Variants in HMGXB4 observed in about 807,000 individuals in gnomAD.
The protein encoded by HMGXB4 is HMG-box containing 4.
HMGXB4 carries 27 observed loss-of-function variants against 63.9 expected under a neutral mutation model. The ratio of observed to expected loss-of-function variants is 0.42; its 90% CI spans 0.31 to 0.58. The LOEUF is 0.58. HMGXB4 is among the 20% of genes least tolerant of loss of function. The pLI is 0.13. For synonymous variants in HMGXB4, 264 were observed against 265.3 expected, an observed-to-expected ratio of 0.99 and a Z score of 0.05; for missense variants, 624 against 700.7, an observed-to-expected ratio of 0.89 and a Z score of 1.24.
chr22:35,270,672 G>C (rs1923551960), intron 5 of HMGXB4, among the ~76,000 whole-genome samples: 1 of 152,194 alleles, frequency 6.6e-6, no homozygotes, highest in Non-Finnish European at 1.5e-5. Flanking sequence ...TGGAAAAATA[G>C]TAAGCTCTTC....
chr22:35,265,729 T>A, intron 5 of HMGXB4, 126 bp downstream of exon 5: 1 of 1,272,804 alleles, frequency 7.9e-7, no homozygotes, highest in Non-Finnish European at 1.0e-6. Context: ...GGGGATATGT[T>A]GGAATGATAT....
At chr22:35,269,999 A>G (rs914054209) in intron 5 of HMGXB4, among the ~76,000 whole-genome samples, 14 of 152,188 alleles carry the variant, frequency 9.2e-5, no homozygotes, top group Non-Finnish European at 1.2e-4. Context: ...AGAAGAAAAA[A>G]AAAAGGCTTG....
At chr22:35,259,684 C>G (rs1193711045) in intron 1 of HMGXB4, among the ~76,000 whole-genome samples, 1 of 152,184 alleles carries the variant, frequency 6.6e-6, no homozygotes, top group Non-Finnish European at 1.5e-5. Context: ...CAGGGCCCAT[C>G]GGTCTGCCCA....
At chr22:35,252,187 C>A in the HMGXB4 span, among the ~76,000 whole-genome samples, 1 of 152,178 alleles carries the variant, frequency 6.6e-6, no homozygotes, top group African/African-American at 2.4e-5. Flanking sequence ...TGCACTCCAG[C>A]CTAGGCGGCC....
intron 5 of HMGXB4, among the ~76,000 whole-genome samples, chr22:35,270,651 C>A (rs1475664021): frequency 2.6e-5 from 4 of 152,148 alleles, no homozygotes; most frequent in Non-Finnish European, 5.9e-5. Context: ...AGCTTTGAAC[C>A]TAGATAACGT....
At chr22:35,271,756 C>T (rs1447111126) in intron 5 of HMGXB4, among the ~76,000 whole-genome samples, 1 of 152,196 alleles carries the variant, frequency 6.6e-6, no homozygotes, top group Non-Finnish European at 1.5e-5. Flanking sequence ...AACAACAATA[C>T]TTGACATCTC....
the HMGXB4 span, among the ~76,000 whole-genome samples, chr22:35,243,454 G>A: frequency 1.3e-5 from 2 of 152,126 alleles, no homozygotes; most frequent in Non-Finnish European, 2.9e-5. Flanking sequence ...CAGCTATCTG[G>A]GCATCCCTTA....
chr22:35,241,910 G>A, the HMGXB4 span, among the ~76,000 whole-genome samples: 3 of 152,176 alleles, frequency 2.0e-5, no homozygotes, highest in African/African-American at 7.2e-5. Context: ...TGCTCTGTCC[G>A]GAGCTGCAAC....
intron 5 of HMGXB4, among the ~76,000 whole-genome samples, chr22:35,270,444 C>T (rs770332403): frequency 9.2e-5 from 14 of 152,142 alleles, no homozygotes; most frequent in Non-Finnish European, 1.6e-4. Context: ...CAATGTAATA[C>T]TAATAGAAAT....
chr22:35,283,837 A>G, intron 5 of HMGXB4, 125 bp from the exon 6 acceptor site: 1 of 626,530 alleles, frequency 1.6e-6, no homozygotes, highest in African/African-American at 1.8e-5. Flanking sequence ...GCTGGTTAGT[A>G]GTTTGGAACT....
At chr22:35,292,899 G>C (rs1006338294) in intron 9 of HMGXB4, 93 bp from the exon 10 acceptor site, 6 of 1,455,490 alleles carry the variant, frequency 4.1e-6, no homozygotes, top group Non-Finnish European at 4.8e-6. Flanking sequence ...TATAAGAGTA[G>C]AACTGCCTAG....
At chr22:35,255,802 G>C (rs754239663), upstream of HMGXB4, among the ~76,000 whole-genome samples, 1 of 152,220 alleles carries the variant, frequency 6.6e-6, no homozygotes, top group Non-Finnish European at 1.5e-5. Context: ...TTAGGGCTCT[G>C]AAGAACAAAA....
At chr22:35,272,255 T>C (rs548546564) in intron 5 of HMGXB4, among the ~76,000 whole-genome samples, 6 of 150,936 alleles carry the variant, frequency 4.0e-5, no homozygotes, top group African/African-American at 1.5e-4. Context: ...GGCCAAGGAG[T>C]TCAAGTGCAG....
At chr22:35,251,654 G>C in the HMGXB4 span, among the ~76,000 whole-genome samples, 1 of 152,192 alleles carries the variant, frequency 6.6e-6, no homozygotes, top group Non-Finnish European at 1.5e-5. Context: ...GACTTGAAGA[G>C]GGGGCATTCA....
Position 35,280,991 on chromosome 22 carries a change from CA to C in HMGXB4, c.1216-2970del, listed in dbSNP as rs555881977. Among the ~76,000 whole-genome samples, 18 of 152,330 alleles carry C rather than the reference CA, an allele frequency of 1.2e-4. 1 individual carries two copies. In the South Asian group the frequency reaches 3.7e-3, roughly 32 times the overall value. ...ATTAGAATGACATATTTAACTGCCT[CA>C]TTTGTTAGATTCTGCATCTGATCCT... On this transcript the variant is annotated intron_variant, in intron 5 of 10. Coordinates refer to ENST00000216106, the MANE Select transcript of HMGXB4 (RefSeq NM_001003681.3).
the HMGXB4 span, among the ~76,000 whole-genome samples, chr22:35,244,460 C>A: frequency 6.6e-6 from 1 of 152,064 alleles, no homozygotes; most frequent in African/African-American, 2.4e-5. Context: ...CCCTTAAAAA[C>A]AAAATTTATT....
Position 35,263,837 on chromosome 22 carries a change from G to T in HMGXB4, c.222G>T (p.Lys74Asn). The T allele has an allele frequency of 6.2e-7, 1 of 1,613,708 alleles. No individual in the cohort carries two copies. Among genetic ancestry groups the T allele is most frequent in the Non-Finnish European group, 8.5e-7 (1 of 1,179,594 alleles). The change falls in exon 4 of 11, where the codon AAG (lysine) becomes AAT (asparagine). Residue 74 changes from lysine (K) to asparagine (N), a missense_variant. This residue lies in a region of HMGXB4 where 472 missense variants were observed against 470.6 expected (regional missense o/e 1.00). Coordinates refer to ENST00000216106, the MANE Select transcript of HMGXB4 (RefSeq NM_001003681.3). Reference sequence around the variant, plus strand: ...TCTTGGGGACGGACACACACAAGAAGAAGAGGAAGCACTCCTCTGATGATT... The same window carrying T: ...TCTTGGGGACGGACACACACAAGAATAAGAGGAAGCACTCCTCTGATGATT... ...LYFLGTDTHK[K>N]KRKHSSDDYY...
At chr22:35,266,421 A>G (rs903245183) in intron 5 of HMGXB4, among the ~76,000 whole-genome samples, 7 of 152,270 alleles carry the variant, frequency 4.6e-5, no homozygotes, top group African/African-American at 1.2e-4. Flanking sequence ...CTGTATGCCA[A>G]GCTCAATGCT....
chr22:35,247,241 A>G, the HMGXB4 span, among the ~76,000 whole-genome samples: 2 of 152,180 alleles, frequency 1.3e-5, no homozygotes, highest in Non-Finnish European at 2.9e-5. Context: ...GTTTGTTTCT[A>G]AGCCTTGTTG....
Sources: gnomAD v4.1 joint callset for allele counts (sites outside exome capture counted in the v4.1 genomes callset) on GRCh38, gnomAD v4.1.1 for gene constraint, gnomAD v4.1.1 regional missense constraint, MANE v1.5 for transcripts, NCBI Gene and HGNC (gene_info 2026-07-23, HGNC 2026-07-21) for gene names.